The following TEPSIN variants were observed in gnomAD, a reference collection of about 807,000 sequenced individuals.
TEPSIN encodes the protein TEPSIN adaptor related protein complex 4 accessory protein, also known as AP-4 complex accessory subunit tepsin.
Under a neutral mutation model 48.5 loss-of-function variants are expected in TEPSIN, and 50 were observed. The observed-to-expected ratio is 1.03, with a 90% CI of 0.82 to 1.31. TEPSIN has a LOEUF of 1.31. Ranked by LOEUF, TEPSIN falls within the 50% of genes most tolerant of loss-of-function variation. TEPSIN has a pLI of 0.00. For missense variants in TEPSIN, 838 were observed against 815.9 expected (o/e 1.03, Z -0.33); for synonymous variants, 392 against 358.8 (o/e 1.09, Z -1.05).
In TEPSIN at chr17:81,234,047, A is replaced by G. The variant is rs2062677243; in HGVS notation, c.309T>C (p.Ala103=). ...RNSAFIQEAA[A]FAGPPDPLHG... is the part of the protein sequence containing the mutation. The stretch of plus-strand genomic sequence containing the variant: ...GCAGAGGATCTGGGGGCCCTGCAAA[A>G]GCTGCAGAACAGAAAAGGCAAGTCG... The change falls in exon 5 of 13, where the codon GCT becomes GCC. Residue 103 remains alanine, a splice_region_variant and synonymous_variant. Transcript: ENST00000637944. This position sits in a 1 kb window ranked among gnomAD's most constrained non-coding sequence, Gnocchi z 5.4. 6.3e-7 allele frequency: 1 copy of G among 1,591,214 alleles called. No individual in the cohort carries two copies. Among genetic ancestry groups the G allele is most frequent in the South Asian group, 1.1e-5 (1 of 87,874 alleles).
In TEPSIN at chr17:81,237,293, C is replaced by T. The variant is rs1341240804; in HGVS notation, c.121+94G>A. The stretch of plus-strand genomic sequence containing the variant: ...CAATAATAAAGGAGCCGTGCATCCC[C>T]CTAGGGACAGCAGAATCCCCAGGAA... On this transcript the variant is annotated intron_variant, in intron 2 of 12. Coordinates refer to ENST00000637944, the MANE Select transcript of TEPSIN (RefSeq NM_001363764.2). 11 of 1,424,760 alleles carry T rather than the reference C, an allele frequency of 7.7e-6. No homozygotes were observed. The East Asian group carries it at 2.4e-4, about 31-fold the overall frequency. 88.3% of individuals were successfully genotyped at this position (1,424,760 alleles called of 1,614,324 possible). A position where few individuals can be genotyped will look rare whatever the true frequency, so the allele number is the denominator to read the frequency against.
intron 9 of TEPSIN, 43 bp from the exon 10 acceptor site, chr17:81,231,734 GCC>G: frequency 6.2e-7 from 1 of 1,607,742 alleles, no homozygotes; most frequent in Non-Finnish European, 8.5e-7. Context: ...TGGAGGCCAT[GCC>G]CCCACTCCTG....
In TEPSIN at chr17:81,236,843, C is replaced by G. The variant is rs1021629897; in HGVS notation, c.214-42G>C. 5 of 1,548,674 alleles carry G rather than the reference C, an allele frequency of 3.2e-6. No homozygotes were observed. The South Asian group carries it at 4.8e-5, about 15-fold the overall frequency. On this transcript the variant is annotated intron_variant, in intron 3 of 12. Coordinates refer to ENST00000637944, the MANE Select transcript of TEPSIN (RefSeq NM_001363764.2). ...TCAGCAGTGCTGGGCAGGCCGGACA[C>G]GGGACACCCAGGGCAGGGCCCGGGG...
At chr17:81,237,186 T>C (rs1313429803) in intron 2 of TEPSIN, 115 bp from the exon 3 acceptor site, 1 of 1,256,894 alleles carries the variant, frequency 8.0e-7, no homozygotes, top group East Asian at 2.5e-5. Flanking sequence ...TACTGGAGGC[T>C]CTGCCATCAG....
intron 4 of TEPSIN, among the ~76,000 whole-genome samples, chr17:81,235,060 T>A (rs976985465): frequency 6.6e-6 from 1 of 152,050 alleles, no homozygotes; most frequent in Non-Finnish European, 1.5e-5. Flanking sequence ...GATGCCAGCT[T>A]CGAGAAAACC....
chr17:81,237,127 A>C, intron 2 of TEPSIN, 56 bp from the exon 3 acceptor site: 1 of 1,509,352 alleles, frequency 6.6e-7, no homozygotes, highest in East Asian at 2.5e-5. Context: ...GCCAGGCCGC[A>C]GGGAGACCAG....
Position 81,229,011 on chromosome 17 carries a change from C to G in TEPSIN, c.1699G>C (p.Ala567Pro). 6.2e-7 allele frequency: 1 copy of G among 1,613,444 alleles called. No homozygotes were observed. Among genetic ancestry groups the G allele is most frequent in the Non-Finnish European group, 8.5e-7 (1 of 1,179,960 alleles). The change falls in exon 13 of 13, where the codon GCC (alanine) becomes CCC (proline). Residue 567 changes from alanine (A) to proline (P), a missense_variant. Physicochemically the swap from Ala to Pro is conservative, Grantham distance 27. Coordinates refer to ENST00000637944, the MANE Select transcript of TEPSIN (RefSeq NM_001363764.2). ...AGESCPDAPR[A>P]PQTSSQRTAA... The stretch of plus-strand genomic sequence containing the variant: ...GTCCTCTGGGACGATGTTTGGGGGG[C>G]GCGGGGAGCATCAGGACAGGACTCT...
rs1208996410 is a variant in TEPSIN at position 81,233,617 on chromosome 17, A to G, written c.454+21T>C. 4 of 1,588,866 alleles carry G rather than the reference A, an allele frequency of 2.5e-6. No individual in the cohort carries two copies. Among genetic ancestry groups the G allele is most frequent in the Non-Finnish European group, 3.4e-6 (4 of 1,168,844 alleles). On this transcript the variant is annotated intron_variant, in intron 6 of 12. Transcript: ENST00000637944. The surrounding 1 kb of genome is among the most constrained non-coding windows in gnomAD (Gnocchi z 5.8). Reference sequence around the variant, plus strand: ...CAGAAACCAGGTGCCAGAGCTGGACACGGTCCCCTCAGTCACCTACCTGTG... The same window carrying G: ...CAGAAACCAGGTGCCAGAGCTGGACGCGGTCCCCTCAGTCACCTACCTGTG...
At chr17:81,237,965 T>C in intron 1 of TEPSIN, 1 of 1,005,504 alleles carries the variant, frequency 9.9e-7, no homozygotes, top group Non-Finnish European at 1.2e-6. Context: ...TACGTTCGCT[T>C]AGCGCAGACG....
At chr17:81,238,919 A>G in intron 1 of TEPSIN, 67 bp downstream of exon 1, 2 of 1,395,666 alleles carry the variant, frequency 1.4e-6, no homozygotes, top group Middle Eastern at 2.6e-4. Flanking sequence ...GCCCGGGGCG[A>G]GTCCGGGGAA....
At position 81,237,422 on chromosome 17, in the gene TEPSIN, ACAT is replaced by A; in HGVS notation, c.83_85del (p.Asp28del). On this transcript the variant is annotated inframe_deletion, in exon 2 of 13. Coordinates refer to ENST00000637944, the MANE Select transcript of TEPSIN (RefSeq NM_001363764.2). Reference sequence around the variant, plus strand: ...TTCAAACAGGTAGCCCGGACACGGGACATCATCATCGGACGTCCCCTTCAGGAG... The same window carrying A: ...TTCAAACAGGTAGCCCGGACACGGGACATCATCGGACGTCCCCTTCAGGAG... The A allele has an allele frequency of 2.5e-6, 4 of 1,611,944 alleles. No individual in the cohort carries two copies. The highest frequency in any genetic ancestry group is 3.4e-6 in the Non-Finnish European group (4 of 1,179,424).
intron 1 of TEPSIN, chr17:81,237,705 G>A: frequency 3.5e-6 from 2 of 573,650 alleles, no homozygotes; most frequent in East Asian, 3.1e-5. Context: ...CGGAGGAGCT[G>A]CGCCACTTGG....
Position 81,233,005 on chromosome 17 carries a change from G to T in TEPSIN, c.526+427C>A, listed in dbSNP as rs544869217. The T allele has an allele frequency of 2.4e-5, 6 of 248,824 alleles. No homozygotes were observed. In the East Asian group the frequency reaches 6.4e-4, roughly 27 times the overall value. The allele number at this position is 248,824 out of a possible 1,614,324, so 15.4% of individuals were successfully genotyped here. On this transcript the variant is annotated intron_variant, in intron 7 of 12. Coordinates refer to ENST00000637944, the MANE Select transcript of TEPSIN (RefSeq NM_001363764.2). The surrounding 1 kb of genome is among the most constrained non-coding windows in gnomAD (Gnocchi z 5.8). ...CAGGGCACAGCTGGGCTGGGGGCTG[G>T]GTCCCAGCCGCAGGCAGTGGTGCCA... is the stretch of plus-strand genomic sequence containing the variant.
rs569097628 is a variant in TEPSIN at position 81,238,180 on chromosome 17, C to T, written c.49-721G>A. On this transcript the variant is annotated intron_variant, in intron 1 of 12. Transcript: ENST00000637944. The stretch of plus-strand genomic sequence containing the variant: ...GAGATCTAGTGACAACATACGAAAA[C>T]GTGGACCTGAAGTGTTTCCCGAGGC... 4.4e-5 allele frequency: 43 copies of T among 985,702 alleles called. No individual in the cohort carries two copies. The African/African-American group carries it at 6.3e-4, about 14-fold the overall frequency. The allele number at this position is 985,702 out of a possible 1,614,324, so 61.1% of individuals were successfully genotyped here. A position where few individuals can be genotyped will look rare whatever the true frequency, so the allele number is the denominator to read the frequency against.
In TEPSIN at chr17:81,233,293, C is replaced by A; in HGVS notation, c.526+139G>T. The A allele has an allele frequency of 3.0e-6, 3 of 1,016,026 alleles. No individual in the cohort carries two copies. The South Asian group carries it at 4.8e-5, about 16-fold the overall frequency. 62.9% of individuals were successfully genotyped at this position (1,016,026 alleles called of 1,614,324 possible). On this transcript the variant is annotated intron_variant, in intron 7 of 12. Transcript: ENST00000637944. This position sits in a 1 kb window ranked among gnomAD's most constrained non-coding sequence, Gnocchi z 5.8. Reference sequence around the variant, plus strand: ...AGCCAGAGAGAGACAGTGGGGACAGCCCCAGGAAGGGTTGAGGCCATGTAG... The same window carrying A: ...AGCCAGAGAGAGACAGTGGGGACAGACCCAGGAAGGGTTGAGGCCATGTAG...
Position 81,233,827 on chromosome 17 carries a change from C to A in TEPSIN, c.376-111G>T, listed in dbSNP as rs1190955674. On this transcript the variant is annotated intron_variant, in intron 5 of 12. Coordinates refer to ENST00000637944, the MANE Select transcript of TEPSIN (RefSeq NM_001363764.2). This position sits in a 1 kb window ranked among gnomAD's most constrained non-coding sequence, Gnocchi z 5.8. ...CCCCGGACACTTCTCCTGAGCCACT[C>A]AGCTGGACACAGGCTCTGTGTCCAC... is the stretch of plus-strand genomic sequence containing the variant. The A allele has an allele frequency of 7.3e-7, 1 of 1,376,414 alleles. No individual in the cohort carries two copies. The highest frequency in any genetic ancestry group is 1.5e-5 in the African/African-American group (1 of 68,568). 85.3% of individuals were successfully genotyped at this position (1,376,414 alleles called of 1,614,324 possible).
chr17:81,229,269 T>G lies in TEPSIN; in HGVS notation c.1441A>C (p.Ser481Arg). The G allele has an allele frequency of 6.3e-7, 1 of 1,576,948 alleles. No homozygotes were observed. ...SPAPSSGMPS[S>R]PVPTPPPDAS... ...TCTGGGGGTGGGGTGGGCACAGGGC[T>G]GGACGGCATCCCAGATGAGGGAGCA... The change falls in exon 13 of 13, where the codon AGC becomes CGC. Residue 481 changes from serine (S) to arginine (R), a missense_variant. Ser to Arg is a moderately radical substitution (Grantham distance 110). Coordinates refer to ENST00000637944, the MANE Select transcript of TEPSIN (RefSeq NM_001363764.2).
In TEPSIN at chr17:81,230,542, A is replaced by G; in HGVS notation, c.1233+2T>C. ...GTGCGTGTGGCCTCCGCAGCTGCCC[A>G]CCTTGGTGGCCTTGTTGGTCACAGG... On this transcript the variant is annotated splice_donor_variant, in intron 12 of 12. Coordinates refer to ENST00000637944, the MANE Select transcript of TEPSIN (RefSeq NM_001363764.2). LOFTEE classifies it high-confidence loss of function. The surrounding 1 kb of genome is among the most constrained non-coding windows in gnomAD (Gnocchi z 4.2). 6.2e-7 allele frequency: 1 copy of G among 1,611,272 alleles called. No individual in the cohort carries two copies. The highest frequency in any genetic ancestry group is 8.5e-7 in the Non-Finnish European group (1 of 1,179,200).
chr17:81,230,615 G>A lies in TEPSIN; in HGVS notation c.1162C>T (p.Leu388Phe). ...SDLLPQEHIL[L>F]RTRPWLQELS... The stretch of plus-strand genomic sequence containing the variant: ...TCCTGCAGCCACGGCCGGGTGCGGA[G>A]GAGGATGTGCTCCTGGGGGAGGAGG... Residue 388 changes from leucine (L) to phenylalanine (F), a missense_variant, in exon 12 of 13, where the codon CTC becomes TTC. By Grantham distance (22) the Leu-to-Phe change is conservative. Coordinates refer to ENST00000637944, the MANE Select transcript of TEPSIN (RefSeq NM_001363764.2). This position sits in a 1 kb window ranked among gnomAD's most constrained non-coding sequence, Gnocchi z 4.2. 1 of 1,606,676 alleles carries A rather than the reference G, an allele frequency of 6.2e-7. No individual in the cohort carries two copies. The highest frequency in any genetic ancestry group is 8.5e-7 in the Non-Finnish European group (1 of 1,176,494).
Sources: allele counts gnomAD v4.1 joint callset (sites outside exome capture counted in the v4.1 genomes callset), GRCh38; gene constraint gnomAD v4.1.1; non-coding constraint Gnocchi (gnomAD v3.1); transcripts MANE v1.5; gene names NCBI Gene and HGNC (gene_info 2026-07-23, HGNC 2026-07-21).